The following IL1RAPL1 variants were observed in gnomAD, a reference collection of about 807,000 sequenced individuals.
IL1RAPL1 encodes interleukin 1 receptor accessory protein like 1.
In IL1RAPL1, 3 loss-of-function variants were observed where a neutral mutation model predicts 48.4. The ratio of observed to expected loss-of-function variants is 0.06; its 90% CI spans 0.03 to 0.16. IL1RAPL1 has a LOEUF of 0.16. Ranked by LOEUF, IL1RAPL1 falls within the 10% of genes least tolerant of loss-of-function variation. The pLI is 1.00. For missense variants in IL1RAPL1, 349 were observed against 530.6 expected (o/e 0.66, Z 3.36); for synonymous variants, 185 against 187.7 (o/e 0.99, Z 0.12).
At chrX:28,801,790 C>T (rs1396211181) in intron 2 of IL1RAPL1, among the ~76,000 whole-genome samples, 1 of 112,082 alleles carries the variant, frequency 8.9e-6, no homozygotes. Context: ...CAGCTGCTAA[C>T]GAGCCTTGTT....
chrX:28,921,835 G>A (rs936885158), intron 2 of IL1RAPL1, among the ~76,000 whole-genome samples: 3 of 112,076 alleles, frequency 2.7e-5, no homozygotes, highest in African/African-American at 6.5e-5. Context: ...CTGATGAACC[G>A]GTAGGCATTT....
chrX:28,935,509 C>T (rs746062860), intron 2 of IL1RAPL1, among the ~76,000 whole-genome samples: 1 of 111,786 alleles, frequency 8.9e-6, no homozygotes, highest in East Asian at 2.8e-4. Flanking sequence ...ACCAGTACCA[C>T]ACTATTTTGA....
At chrX:29,755,743 C>T (rs988669569) in intron 6 of IL1RAPL1, among the ~76,000 whole-genome samples, 7 of 112,395 alleles carry the variant, frequency 6.2e-5, no homozygotes, top group African/African-American at 1.9e-4. Context: ...TAACGATGTG[C>T]TTAACATCTG....
intron 1 of IL1RAPL1, among the ~76,000 whole-genome samples, chrX:28,707,837 A>G (rs1782795753): frequency 8.9e-6 from 1 of 112,366 alleles, no homozygotes; most frequent in African/African-American, 3.2e-5. Flanking sequence ...AATAGGAATG[A>G]CATGCACATA....
At chrX:28,794,862 C>T (rs910479086) in intron 2 of IL1RAPL1, among the ~76,000 whole-genome samples, 10 of 111,632 alleles carry the variant, frequency 9.0e-5, no homozygotes, top group African/African-American at 2.9e-4. Flanking sequence ...GTAAAGAAAG[C>T]GAGATTTAAC....
chrX:29,555,592 T>C (rs760726662), intron 5 of IL1RAPL1, among the ~76,000 whole-genome samples: 1 of 112,170 alleles, frequency 8.9e-6, no homozygotes, highest in African/African-American at 3.2e-5. Flanking sequence ...AAGTTCATTG[T>C]AGCCCTTATA....
In IL1RAPL1 at chrX:29,490,834, A is replaced by ATGTGTG. The variant is rs199987230; in HGVS notation, c.703+91540_703+91545dup. On this transcript the variant is annotated intron_variant, in intron 5 of 10. Coordinates refer to ENST00000378993, the MANE Select transcript of IL1RAPL1 (RefSeq NM_014271.4). The stretch of plus-strand genomic sequence containing the variant: ...AAGTACACAGTTACTCATCTGAGGT[A>ATGTGTG]TGTGTGTGTGTGTGTGTGTATATAT... Among the ~76,000 whole-genome samples the ATGTGTG allele has an allele frequency of 9.4e-5, 9 of 96,005 alleles. 1 individual carries two copies. The highest frequency in any genetic ancestry group is 2.8e-4 in the African/African-American group (6 of 21,710). The allele number at this position is 96,005 out of a possible 115,157, so 83.4% of individuals were successfully genotyped here. A position where few individuals can be genotyped will look rare whatever the true frequency, so the allele number is the denominator to read the frequency against.
At chrX:29,896,014 G>T (rs1359292393) in intron 6 of IL1RAPL1, among the ~76,000 whole-genome samples, 1 of 111,908 alleles carries the variant, frequency 8.9e-6, no homozygotes, top group African/African-American at 3.3e-5. Context: ...TGTAAAAAAA[G>T]CCAGCAGAGA....
chrX:29,841,717 G>T (rs939325744), intron 6 of IL1RAPL1, among the ~76,000 whole-genome samples: 1 of 111,386 alleles, frequency 9.0e-6, no homozygotes, highest in African/African-American at 3.3e-5. Flanking sequence ...CAGAACAATC[G>T]AGTGAGGGAT....
At chrX:29,297,855 T>C (rs1268821644) in intron 3 of IL1RAPL1, among the ~76,000 whole-genome samples, 1 of 112,205 alleles carries the variant, frequency 8.9e-6, no homozygotes, top group African/African-American at 3.2e-5. Context: ...AATTATTTTT[T>C]TCAATCCATT....
chrX:29,936,596 A>G (rs1356335270), intron 8 of IL1RAPL1, among the ~76,000 whole-genome samples: 2 of 110,057 alleles, frequency 1.8e-5, no homozygotes, highest in South Asian at 3.9e-4. Context: ...CTGCAAGTCA[A>G]GAGTTCAAAA....
intron 6 of IL1RAPL1, among the ~76,000 whole-genome samples, chrX:29,768,782 G>C (rs770008688): frequency 9.0e-6 from 1 of 111,460 alleles, no homozygotes; most frequent in Non-Finnish European, 1.9e-5. Flanking sequence ...CATAGCACTT[G>C]GTATGTTTAA....
intron 6 of IL1RAPL1, among the ~76,000 whole-genome samples, chrX:29,689,264 A>C (rs1316651758): frequency 9.0e-6 from 1 of 111,595 alleles, no homozygotes; most frequent in Non-Finnish European, 1.9e-5. Context: ...TTTTTAAACT[A>C]TGGGGGCAGT....
chrX:28,779,825 AAG>A (rs202031685), intron 1 of IL1RAPL1, among the ~76,000 whole-genome samples: 2,425 of 107,440 alleles, frequency 0.023, 68 homozygotes, highest in African/African-American at 0.077. Context: ...TAAATTAAAA[AAG>A]AAATTAAAAC....
intron 2 of IL1RAPL1, among the ~76,000 whole-genome samples, chrX:28,941,290 A>G (rs1010022852): frequency 9.0e-6 from 1 of 111,270 alleles, no homozygotes; most frequent in Non-Finnish European, 1.9e-5. Flanking sequence ...AAGGGTAGAG[A>G]TTAGCGTTTC....
intron 5 of IL1RAPL1, among the ~76,000 whole-genome samples, chrX:29,448,317 C>G (rs1170530787): frequency 9.0e-6 from 1 of 111,580 alleles, no homozygotes; most frequent in East Asian, 2.8e-4. Flanking sequence ...AATCTGAAGG[C>G]AAAATTATTC....
intron 2 of IL1RAPL1, among the ~76,000 whole-genome samples, chrX:29,011,165 CT>C (rs1926113392): frequency 1.8e-5 from 2 of 111,601 alleles, no homozygotes; most frequent in African/African-American, 6.5e-5. Context: ...GGGACCAACT[CT>C]TTGTGCGGAT....
intron 5 of IL1RAPL1, among the ~76,000 whole-genome samples, chrX:29,532,822 T>C (rs1921088210): frequency 8.9e-6 from 1 of 112,133 alleles, no homozygotes; most frequent in South Asian, 3.7e-4. Flanking sequence ...GTTCTCTTAC[T>C]TAACTTGCAG....
At chrX:28,691,691 CTCTT>C (rs1246573895) in intron 1 of IL1RAPL1, among the ~76,000 whole-genome samples, 1 of 111,443 alleles carries the variant, frequency 9.0e-6, no homozygotes, top group Non-Finnish European at 1.9e-5. Flanking sequence ...CTGTCTTTCT[CTCTT>C]TCTTTCTCCC....
Sources: allele counts gnomAD v4.1 joint callset (sites outside exome capture counted in the v4.1 genomes callset), GRCh38; gene constraint gnomAD v4.1.1; transcripts MANE v1.5; gene names NCBI Gene and HGNC (gene_info 2026-07-23, HGNC 2026-07-21).